Variants in MRPL13 observed in about 807,000 individuals in gnomAD.
MRPL13 encodes the protein mitochondrial ribosomal protein L13.
A neutral mutation model predicts 29.0 loss-of-function variants in MRPL13; 33 were observed. That is an observed-to-expected ratio of 1.14 (90% CI 0.86 to 1.52). The LOEUF is 1.52. Ranked by LOEUF, MRPL13 falls within the 40% of genes most tolerant of loss-of-function variation. MRPL13 has a pLI of 0.00. For missense variants in MRPL13, 227 were observed against 216.7 expected, an observed-to-expected ratio of 1.05 and a Z score of -0.30; for synonymous variants, 77 against 68.4, an observed-to-expected ratio of 1.13 and a Z score of -0.62.
intron 3 of MRPL13, among the ~76,000 whole-genome samples, chr8:120,428,768 C>G (rs1219052457): frequency 6.6e-6 from 1 of 152,052 alleles, no homozygotes; most frequent in Non-Finnish European, 1.5e-5. Context: ...AAATGCAAAT[C>G]AAAACCACAA....
At chr8:120,407,543 G>A (rs1055963715) in intron 6 of MRPL13, among the ~76,000 whole-genome samples, 13 of 152,056 alleles carry the variant, frequency 8.5e-5, no homozygotes, top group African/African-American at 3.1e-4. Context: ...CTACTTGGGA[G>A]GATGAGGCAG....
chr8:120,443,348 A>G, intron 1 of MRPL13, 40 bp from the exon 2 acceptor site: 1 of 1,466,886 alleles, frequency 6.8e-7, no homozygotes, highest in South Asian at 1.4e-5. Context: ...GGAAAAAATA[A>G]AGATAATTAT....
intron 4 of MRPL13, among the ~76,000 whole-genome samples, chr8:120,421,253 T>G (rs934076011): frequency 6.6e-6 from 1 of 151,746 alleles, no homozygotes; most frequent in Non-Finnish European, 1.5e-5. Flanking sequence ...ATAGAACCTC[T>G]TAAAGAAGCT....
At chr8:120,443,123 T>A (rs1813143131) in intron 2 of MRPL13, 62 bp downstream of exon 2, 1 of 1,361,928 alleles carries the variant, frequency 7.3e-7, no homozygotes, top group Middle Eastern at 1.9e-4. Context: ...TTAAACTTCA[T>A]CAAGATTCTA....
At chr8:120,427,885 C>G (rs1236158513) in intron 3 of MRPL13, among the ~76,000 whole-genome samples, 4 of 152,010 alleles carry the variant, frequency 2.6e-5, no homozygotes, top group Non-Finnish European at 5.9e-5. Flanking sequence ...TAGGAAGAAT[C>G]AGTATTGTTA....
chr8:120,419,823 AG>A, intron 5 of MRPL13, 28 bp downstream of exon 5: 1 of 1,522,984 alleles, frequency 6.6e-7, no homozygotes, highest in Non-Finnish European at 8.8e-7. Context: ...ATTTTGGAAA[AG>A]CATTGTTACC....
chr8:120,435,605 C>T (rs1265882488), intron 2 of MRPL13, among the ~76,000 whole-genome samples: 1 of 152,066 alleles, frequency 6.6e-6, no homozygotes, highest in Non-Finnish European at 1.5e-5. Context: ...TCCAGTCTAC[C>T]ACTGATGGGC....
intron 6 of MRPL13, among the ~76,000 whole-genome samples, chr8:120,399,590 G>T (rs939649914): frequency 2.6e-5 from 4 of 152,064 alleles, no homozygotes; most frequent in Non-Finnish European, 5.9e-5. Context: ...ACATAAACAA[G>T]TCTGCAAAAT....
Position 120,444,959 on chromosome 8 carries a change from G to A in MRPL13, c.27+109C>T, listed in dbSNP as rs538139131. On this transcript the variant is annotated intron_variant, in intron 1 of 6. Transcript: ENST00000306185. ...CTTTCCCAAGTCACCTCTTGGCCGA[G>A]GGTCTCGGCTTCCCTGCCGCCCCAG... The A allele has an allele frequency of 6.2e-6, 9 of 1,457,224 alleles. No individual in the cohort carries two copies. The Admixed American group carries it at 8.4e-5, about 14-fold the overall frequency. The allele number at this position is 1,457,224 out of a possible 1,614,324, so 90.3% of individuals were successfully genotyped here.
intron 3 of MRPL13, among the ~76,000 whole-genome samples, chr8:120,431,159 G>A (rs1812991609): frequency 6.6e-6 from 1 of 152,158 alleles, no homozygotes; most frequent in African/African-American, 2.4e-5. Flanking sequence ...CTTGGGGAAA[G>A]AGATGAAAAG....
intron 3 of MRPL13, among the ~76,000 whole-genome samples, chr8:120,430,393 A>G (rs1325182900): frequency 6.6e-6 from 1 of 152,184 alleles, no homozygotes; most frequent in Non-Finnish European, 1.5e-5. Flanking sequence ...AAACTTCTCT[A>G]TATTTTCTAA....
chr8:120,440,497 C>T (rs1384828353), intron 2 of MRPL13, among the ~76,000 whole-genome samples: 9 of 151,260 alleles, frequency 6.0e-5, no homozygotes, highest in Non-Finnish European at 8.8e-5. Context: ...CCCGGCTTCT[C>T]GGGAGGCTAA....
At chr8:120,440,574 T>C (rs776567020) in intron 2 of MRPL13, among the ~76,000 whole-genome samples, 240 of 143,352 alleles carry the variant, frequency 1.7e-3, no homozygotes, top group Middle Eastern at 7.9e-3. Context: ...CACTGCACTC[T>C]AGCCTGGGCA....
chr8:120,422,623 T>C (rs527974964), intron 4 of MRPL13, among the ~76,000 whole-genome samples: 2 of 148,968 alleles, frequency 1.3e-5, no homozygotes, highest in African/African-American at 2.4e-5. Flanking sequence ...TAAACTTATA[T>C]ATTTATGTAG....
intron 3 of MRPL13, among the ~76,000 whole-genome samples, chr8:120,431,796 G>T (rs1367545192): frequency 2.0e-5 from 3 of 152,074 alleles, no homozygotes; most frequent in Non-Finnish European, 4.4e-5. Flanking sequence ...GAATAATCTT[G>T]TCCACAGGTT....
At chr8:120,416,543 G>T (rs1004612004) in intron 5 of MRPL13, among the ~76,000 whole-genome samples, 2 of 152,052 alleles carry the variant, frequency 1.3e-5, no homozygotes, top group African/African-American at 4.8e-5. Context: ...TCACACAGAG[G>T]TGGTTAACCT....
chr8:120,413,564 G>C (rs1330977843), intron 6 of MRPL13, among the ~76,000 whole-genome samples: 2 of 152,080 alleles, frequency 1.3e-5, no homozygotes, highest in African/African-American at 4.8e-5. Context: ...ACAGAGGAGA[G>C]CAAAAAGTAT....
At chr8:120,397,278 A>G (rs1446610562) in intron 6 of MRPL13, among the ~76,000 whole-genome samples, 1 of 152,152 alleles carries the variant, frequency 6.6e-6, no homozygotes. Context: ...GGAGTTTAAT[A>G]GACTCTAGCC....
chr8:120,441,381 A>C (rs1442176671), intron 2 of MRPL13, among the ~76,000 whole-genome samples: 2 of 152,076 alleles, frequency 1.3e-5, no homozygotes, highest in East Asian at 3.8e-4. Context: ...AGGCATGAGA[A>C]GAGGTTCAAG....
Sources: gnomAD v4.1 joint callset for allele counts (sites outside exome capture counted in the v4.1 genomes callset) on GRCh38, gnomAD v4.1.1 for gene constraint, MANE v1.5 for transcripts, NCBI Gene and HGNC (gene_info 2026-07-23, HGNC 2026-07-21) for gene names.